Variants in PRKCA observed in about 807,000 individuals in gnomAD.
The protein encoded by PRKCA is protein kinase C alpha, also known as protein kinase C alpha type.
Under a neutral mutation model 87.0 loss-of-function variants are expected in PRKCA, and 27 were observed. The observed-to-expected ratio is 0.31, with a 90% confidence interval of 0.23 to 0.43. The LOEUF is 0.43. Ranked by LOEUF, PRKCA falls within the 20% of genes least tolerant of loss-of-function variation. PRKCA has a pLI of 1.00. For synonymous variants in PRKCA, 329 were observed against 311.1 expected (o/e 1.06, Z -0.61); for missense variants, 518 against 852.3 (o/e 0.61, Z 4.88).
At chr17:66,657,150 A>G (rs1971757069) in intron 5 of PRKCA, among the ~76,000 whole-genome samples, 1 of 152,182 alleles carries the variant, frequency 6.6e-6, no homozygotes, top group African/African-American at 2.4e-5. Flanking sequence ...ATAGGGGGCC[A>G]TGGCCACCCA....
At chr17:66,440,295 G>A (rs1319309028) in intron 2 of PRKCA, among the ~76,000 whole-genome samples, 2 of 152,218 alleles carry the variant, frequency 1.3e-5, no homozygotes, top group African/African-American at 2.4e-5. Context: ...AGGACGGAAA[G>A]GACTCCTGAT....
intron 8 of PRKCA, among the ~76,000 whole-genome samples, chr17:66,728,972 G>C (rs1219246009): frequency 6.6e-6 from 1 of 152,260 alleles, no homozygotes; most frequent in African/African-American, 2.4e-5. Flanking sequence ...GGTGTTTTCA[G>C]ATGTTATTGT....
intron 2 of PRKCA, among the ~76,000 whole-genome samples, chr17:66,475,593 G>A (rs957343823): frequency 6.6e-6 from 1 of 152,098 alleles, no homozygotes; most frequent in African/African-American, 2.4e-5. Context: ...TGTGAGTTCG[G>A]CATCGAGGTA....
In PRKCA at chr17:66,731,351, GAA is replaced by G. The variant is rs5821509; in HGVS notation, c.919-1319_919-1318del. ...GCAACAAGAGCAAAACTCCGTCTCAGAAAAAAAAAAAAAAAAAAAGAATGTAT... is the reference window on the plus strand; with the variant it reads ...GCAACAAGAGCAAAACTCCGTCTCAGAAAAAAAAAAAAAAAAAGAATGTAT... On this transcript the variant is annotated intron_variant, in intron 8 of 16. Coordinates refer to ENST00000413366, the MANE Select transcript of PRKCA (RefSeq NM_002737.3). Among the ~76,000 whole-genome samples the G allele has an allele frequency of 4.4e-3, 499 of 112,430 alleles. 7 individuals are homozygous for G. Among genetic ancestry groups the G allele is most frequent in the African/African-American group, 0.015 (406 of 26,584 alleles). The allele number at this position is 112,430 out of a possible 152,430, so 73.8% of individuals were successfully genotyped here. A position where few individuals can be genotyped will look rare whatever the true frequency, so the allele number is the denominator to read the frequency against.
At chr17:66,440,106 C>T (rs189659971) in intron 2 of PRKCA, among the ~76,000 whole-genome samples, 4 of 152,270 alleles carry the variant, frequency 2.6e-5, no homozygotes, top group Admixed American at 6.5e-5. Context: ...TTATTTATTT[C>T]CTATGAAATG....
At chr17:66,444,229 G>A (rs1016461018) in intron 2 of PRKCA, among the ~76,000 whole-genome samples, 1 of 152,160 alleles carries the variant, frequency 6.6e-6, no homozygotes, top group Non-Finnish European at 1.5e-5. Flanking sequence ...GGCTCTACAG[G>A]TTCTGAATAA....
chr17:66,741,540 C>A, intron 11 of PRKCA, 119 bp from the exon 12 acceptor site: 1 of 1,050,516 alleles, frequency 9.5e-7, no homozygotes, highest in Non-Finnish European at 1.4e-6. Flanking sequence ...CGATGCTGGT[C>A]TCTGAGAGCC....
Position 66,804,025 on chromosome 17 carries a change from G to A in PRKCA, c.2007G>A (p.Gln669=), listed in dbSNP as rs930379893. 1.2e-6 allele frequency: 2 copies of A among 1,612,502 alleles called. No homozygotes were observed. The highest frequency in any genetic ancestry group is 2.7e-5 in the African/African-American group (2 of 74,874). The change falls in exon 17 of 17, where the codon CAG becomes CAA. Residue 669 remains glutamine (Q), a synonymous_variant. Coordinates refer to ENST00000413366, the MANE Select transcript of PRKCA (RefSeq NM_002737.3). ...VNPQFVHPIL[Q]SAV is the part of the protein sequence containing the mutation. ...CCCAGTTTGTGCACCCCATCTTACA[G>A]AGTGCAGTATGAAACTCACCAGCGA...
chr17:66,762,167 A>G (rs1974700643), intron 13 of PRKCA, among the ~76,000 whole-genome samples: 1 of 152,232 alleles, frequency 6.6e-6, no homozygotes. Context: ...TCAGGTGCCA[A>G]CAATCATTTG....
chr17:66,623,488 A>G (rs567816293), intron 3 of PRKCA, among the ~76,000 whole-genome samples: 5 of 152,312 alleles, frequency 3.3e-5, no homozygotes, highest in African/African-American at 1.2e-4. Flanking sequence ...CCCAGGAGAT[A>G]TGCAACGTGG....
At chr17:66,788,790 G>A (rs1408107041) in intron 15 of PRKCA, 49 bp from the exon 16 acceptor site, 6 of 1,593,334 alleles carry the variant, frequency 3.8e-6, no homozygotes, top group African/African-American at 2.7e-5. Flanking sequence ...TGCTGTCTGT[G>A]GGAAGCCCTT....
intron 2 of PRKCA, among the ~76,000 whole-genome samples, chr17:66,386,703 C>A (rs996802140): frequency 6.6e-6 from 1 of 152,156 alleles, no homozygotes; most frequent in African/African-American, 2.4e-5. Flanking sequence ...AAAAAATGTA[C>A]AATTCAAATT....
chr17:66,498,340 C>G (rs1916575003), intron 3 of PRKCA, among the ~76,000 whole-genome samples: 1 of 152,164 alleles, frequency 6.6e-6, no homozygotes, highest in Non-Finnish European at 1.5e-5. Flanking sequence ...GCTCATCATT[C>G]CCATCTTTAT....
intron 2 of PRKCA, among the ~76,000 whole-genome samples, chr17:66,411,519 G>A (rs1299867647): frequency 6.6e-6 from 1 of 152,338 alleles, no homozygotes; most frequent in East Asian, 1.9e-4. Flanking sequence ...CTCTGGGACA[G>A]CTATTCTCAA....
At chr17:66,311,849 C>T (rs986741034) in intron 2 of PRKCA, among the ~76,000 whole-genome samples, 2 of 152,192 alleles carry the variant, frequency 1.3e-5, no homozygotes, top group African/African-American at 4.8e-5. Flanking sequence ...TTTATTCACA[C>T]ATCAATCCTA....
chr17:66,660,262 T>C (rs528967667), intron 5 of PRKCA, among the ~76,000 whole-genome samples: 1 of 152,264 alleles, frequency 6.6e-6, no homozygotes, highest in South Asian at 2.1e-4. Context: ...GTCCGTTTGG[T>C]GGGGGTCCAG....
chr17:66,677,184 A>G (rs1375599228), intron 5 of PRKCA: 2 of 151,448 alleles, frequency 1.3e-5, no homozygotes, highest in South Asian at 2.1e-4. Flanking sequence ...GGTTGAAGCA[A>G]TTCTCCTGCC....
chr17:66,741,921 AT>A (rs1974166666), intron 12 of PRKCA, among the ~76,000 whole-genome samples, 200 bp downstream of exon 12: 1 of 152,166 alleles, frequency 6.6e-6, no homozygotes, highest in Non-Finnish European at 1.5e-5. Flanking sequence ...CAAAGACTTT[AT>A]ATCTTGTTTC....
At chr17:66,671,209 C>CAAAAAAAAAAAAAAA (rs778507190) in intron 5 of PRKCA, among the ~76,000 whole-genome samples, 2 of 48,454 alleles carry the variant, frequency 4.1e-5, no homozygotes, top group African/African-American at 1.8e-4. Flanking sequence ...AGACTCATCT[C>CAAAAAAAAAAAAAAA]AAAAAAAAAA....
Sources: gnomAD v4.1 joint callset for allele counts (sites outside exome capture counted in the v4.1 genomes callset) on GRCh38, gnomAD v4.1.1 for gene constraint, MANE v1.5 for transcripts, NCBI Gene and HGNC (gene_info 2026-07-23, HGNC 2026-07-21) for gene names.